CTSC: variants seen among roughly 807,000 people sequenced by gnomAD.
CTSC encodes the protein cathepsin C, also known as dipeptidyl peptidase 1.
Under a neutral mutation model 40.9 loss-of-function variants are expected in CTSC, and 37 were observed. That is an observed-to-expected ratio of 0.91 (90% CI 0.70 to 1.19). The LOEUF is 1.19. Among genes scored for constraint, CTSC ranks in the 50% most tolerant of loss-of-function variants. The pLI is 0.00. For synonymous variants in CTSC, 232 were observed against 207.4 expected, an observed-to-expected ratio of 1.12 and a Z score of -1.02; for missense variants, 594 against 567.3, an observed-to-expected ratio of 1.05 and a Z score of -0.48.
chr11:88,295,061 T>C (rs1042906495), intron 6 of CTSC, among the ~76,000 whole-genome samples: 1 of 152,226 alleles, frequency 6.6e-6, no homozygotes, highest in African/African-American at 2.4e-5. Flanking sequence ...TTTTCTTCAC[T>C]GTTCTTCACT....
At chr11:88,298,223 T>A (rs1425767763) in intron 5 of CTSC, 2 of 152,144 alleles carry the variant, frequency 1.3e-5, no homozygotes, top group African/African-American at 2.4e-5. Context: ...CTAATTAATG[T>A]GACCCAGGAG....
rs777429616 is a variant in CTSC at position 88,326,490 on chromosome 11, T to C, written c.318+8447A>G. The C allele has an allele frequency of 1.1e-5, 14 of 1,219,470 alleles. No individual in the cohort carries two copies. The South Asian group carries it at 1.6e-4, about 14-fold the overall frequency. 75.5% of individuals were successfully genotyped at this position (1,219,470 alleles called of 1,614,324 possible). A position where few individuals can be genotyped will look rare whatever the true frequency, so the allele number is the denominator to read the frequency against. ...GGTTACAAGCCAACAAGGATCATAT[T>C]GTCTCTTAATATTTAATCATATCAG... is the stretch of plus-strand genomic sequence containing the variant. On this transcript the variant is annotated intron_variant, in intron 2 of 6. Coordinates refer to ENST00000227266, the MANE Select transcript of CTSC (RefSeq NM_001814.6).
intron 2 of CTSC, chr11:88,321,650 T>C (rs1166647154): frequency 1.3e-5 from 2 of 152,274 alleles, no homozygotes; most frequent in Non-Finnish European, 2.9e-5. Flanking sequence ...CCATGGTGTT[T>C]ATGTTCCACA....
At chr11:88,313,194 C>A (rs778233648) in intron 2 of CTSC, among the ~76,000 whole-genome samples, 1 of 152,112 alleles carries the variant, frequency 6.6e-6, no homozygotes, top group Admixed American at 6.5e-5. Context: ...CTCAACCTCC[C>A]GAGTAGCTGG....
At chr11:88,306,958 G>A (rs1408861424) in intron 4 of CTSC, among the ~76,000 whole-genome samples, 1 of 152,184 alleles carries the variant, frequency 6.6e-6, no homozygotes, top group Non-Finnish European at 1.5e-5. Context: ...CTCTGCACCT[G>A]CCCCTCTGCA....
intron 2 of CTSC, among the ~76,000 whole-genome samples, chr11:88,330,773 T>C (rs1227641570): frequency 6.6e-6 from 1 of 152,228 alleles, no homozygotes; most frequent in Non-Finnish European, 1.5e-5. Flanking sequence ...CAAATATATG[T>C]ATCTCCATCC....
chr11:88,302,348 A>T (rs1002100115), intron 4 of CTSC, among the ~76,000 whole-genome samples: 6 of 152,184 alleles, frequency 3.9e-5, no homozygotes, highest in African/African-American at 7.2e-5. Flanking sequence ...ACAAGGGGCC[A>T]GGCGCGGTGG....
chr11:88,297,726 G>C (rs1223057162), intron 5 of CTSC: 5 of 152,200 alleles, frequency 3.3e-5, no homozygotes, highest in Admixed American at 2.6e-4. Context: ...TCAAGCCCCT[G>C]ACCTGTAAGA....
At chr11:88,327,952 A>G in intron 2 of CTSC, 2 of 668,468 alleles carry the variant, frequency 3.0e-6, no homozygotes, top group South Asian at 3.3e-5. Flanking sequence ...GACAACTTAG[A>G]AACAGCAGAC....
chr11:88,336,557 A>T (rs544855659), intron 1 of CTSC, among the ~76,000 whole-genome samples: 2 of 150,328 alleles, frequency 1.3e-5, no homozygotes, highest in East Asian at 3.9e-4. Context: ...AAAAAAAAAA[A>T]GTTACAATGT....
intron 2 of CTSC, among the ~76,000 whole-genome samples, chr11:88,319,730 GTATA>G (rs1159954457): frequency 6.6e-6 from 1 of 152,022 alleles, no homozygotes; most frequent in Non-Finnish European, 1.5e-5. Context: ...AGTGATACAT[GTATA>G]TATAATTTTC....
At chr11:88,308,259 CT>C (rs1167893440) in intron 4 of CTSC, among the ~76,000 whole-genome samples, 1 of 152,206 alleles carries the variant, frequency 6.6e-6, no homozygotes, top group Non-Finnish European at 1.5e-5. Flanking sequence ...AACCCAACCA[CT>C]TTTGTGAAGC....
At chr11:88,301,546 T>G (rs1257019209) in intron 4 of CTSC, among the ~76,000 whole-genome samples, 2 of 152,100 alleles carry the variant, frequency 1.3e-5, no homozygotes, top group Admixed American at 1.3e-4. Flanking sequence ...CAATTCTTTG[T>G]TCAAGAAGCC....
At position 88,296,293 on chromosome 11, in the gene CTSC, A is replaced by G. The variant is rs750068329; in HGVS notation, c.758-29T>C. On this transcript the variant is annotated intron_variant, in intron 5 of 6. Transcript: ENST00000227266. Reference sequence around the variant, plus strand: ...GCGATGAAAAAAAGACACATAATCCAAGAGACATCTGAAGCCTCACAGAGA... The same window carrying G: ...GCGATGAAAAAAAGACACATAATCCGAGAGACATCTGAAGCCTCACAGAGA... The G allele has an allele frequency of 2.5e-6, 4 of 1,612,460 alleles. No homozygotes were observed. In the East Asian group the frequency reaches 8.9e-5, roughly 36 times the overall value.
intron 2 of CTSC, chr11:88,324,625 G>A: frequency 2.0e-6 from 2 of 984,368 alleles, no homozygotes; most frequent in Non-Finnish European, 2.4e-6. Context: ...GATATACAGG[G>A]AGAAATACAG....
intron 2 of CTSC, among the ~76,000 whole-genome samples, chr11:88,330,142 G>C (rs1193551787): frequency 6.6e-6 from 1 of 152,064 alleles, no homozygotes; most frequent in Non-Finnish European, 1.5e-5. Flanking sequence ...TTTTGTTTTG[G>C]CCAGCCCAGT....
chr11:88,301,097 G>GA (rs1056867927), intron 4 of CTSC, among the ~76,000 whole-genome samples: 7 of 152,008 alleles, frequency 4.6e-5, no homozygotes, highest in African/African-American at 1.7e-4. Flanking sequence ...TTGGCAAAGG[G>GA]AAAAAAGGGT....
intron 2 of CTSC, among the ~76,000 whole-genome samples, chr11:88,315,062 C>T (rs1354132794): frequency 1.3e-5 from 2 of 152,142 alleles, no homozygotes; most frequent in Admixed American, 6.5e-5. Flanking sequence ...TTTGGTAGAT[C>T]GAAACAGTGT....
At chr11:88,324,408 C>T in intron 2 of CTSC, 1 of 983,630 alleles carries the variant, frequency 1.0e-6, no homozygotes, top group Non-Finnish European at 1.2e-6. Flanking sequence ...TCTTTTAAAA[C>T]TCTGCAGGAA....
Sources: gnomAD v4.1 joint callset for allele counts (sites outside exome capture counted in the v4.1 genomes callset) on GRCh38, gnomAD v4.1.1 for gene constraint, MANE v1.5 for transcripts, NCBI Gene and HGNC (gene_info 2026-07-23, HGNC 2026-07-21) for gene names.